ITGAV: variants seen among roughly 807,000 people sequenced by gnomAD.
The protein encoded by ITGAV is integrin alpha-V.
In ITGAV, 76 loss-of-function variants were observed where a neutral mutation model predicts 143.8. The ratio of observed to expected loss-of-function variants is 0.53; its 90% CI spans 0.44 to 0.64. The LOEUF is 0.64. ITGAV is among the 30% of genes least tolerant of loss of function. ITGAV has a pLI of 0.00. For synonymous variants in ITGAV, 453 were observed against 446.7 expected, an observed-to-expected ratio of 1.01 and a Z score of -0.18; for missense variants, 1,193 against 1,274.7, an observed-to-expected ratio of 0.94 and a Z score of 0.98.
chr2:186,657,017 CACACACAGAA>C (rs1688610083), intron 17 of ITGAV, among the ~76,000 whole-genome samples: 1 of 96,024 alleles, frequency 1.0e-5, no homozygotes, highest in African/African-American at 2.9e-5. Flanking sequence ...CACACACACA[CACACACAGAA>C]GCCACTAGAA....
chr2:186,631,739 T>A (rs1415645242), intron 5 of ITGAV, among the ~76,000 whole-genome samples: 10 of 152,194 alleles, frequency 6.6e-5, no homozygotes, highest in Non-Finnish European at 1.5e-4. Context: ...TCTTATTTTT[T>A]AAAAATTTGT....
At chr2:186,616,805 GATTT>G (rs1454385157) in intron 2 of ITGAV, among the ~76,000 whole-genome samples, 1 of 151,870 alleles carries the variant, frequency 6.6e-6, no homozygotes, top group Non-Finnish European at 1.5e-5. Context: ...CATGATTTAT[GATTT>G]ATTTAAATAA....
At chr2:186,676,044 A>T (rs1689200177) in intron 28 of ITGAV, 117 bp downstream of exon 28, 1 of 642,132 alleles carries the variant, frequency 1.6e-6, no homozygotes, top group African/African-American at 1.8e-5. Context: ...AAACTAATGA[A>T]GTTATATGAT....
At chr2:186,644,668 C>T (rs1688203002) in intron 12 of ITGAV, among the ~76,000 whole-genome samples, 1 of 152,064 alleles carries the variant, frequency 6.6e-6, no homozygotes, top group Non-Finnish European at 1.5e-5. Context: ...AATACTTTTA[C>T]ATAAGTTAGG....
At chr2:186,645,779 A>G (rs1688239032) in intron 12 of ITGAV, among the ~76,000 whole-genome samples, 1 of 152,024 alleles carries the variant, frequency 6.6e-6, no homozygotes, top group South Asian at 2.1e-4. Flanking sequence ...CATCCTGGCT[A>G]ACACCGTGAA....
intron 1 of ITGAV, 30 bp downstream of exon 1, chr2:186,590,553 G>T (rs756563679): frequency 7.6e-6 from 12 of 1,586,124 alleles, no homozygotes; most frequent in Admixed American, 1.7e-5. Flanking sequence ...ACTGGAGCCG[G>T]CCCCCTCCCC....
chr2:186,642,927 A>G (rs975283955), intron 12 of ITGAV, among the ~76,000 whole-genome samples: 2 of 152,224 alleles, frequency 1.3e-5, no homozygotes, highest in African/African-American at 2.4e-5. Flanking sequence ...AGAACTTAGC[A>G]TAAATCAAAT....
intron 1 of ITGAV, among the ~76,000 whole-genome samples, chr2:186,598,305 A>G (rs1355566622): frequency 1.3e-5 from 2 of 148,152 alleles, no homozygotes; most frequent in Non-Finnish European, 3.0e-5. Flanking sequence ...ACACACACAC[A>G]CACACACACA....
At chr2:186,669,333 A>G (rs552928020) in intron 25 of ITGAV, among the ~76,000 whole-genome samples, 1 of 152,244 alleles carries the variant, frequency 6.6e-6, no homozygotes, top group Non-Finnish European at 1.5e-5. Flanking sequence ...ATAGATTTGC[A>G]CTAGAAACTA....
At chr2:186,598,290 T>G (rs1403163771) in intron 1 of ITGAV, among the ~76,000 whole-genome samples, 1 of 56,698 alleles carries the variant, frequency 1.8e-5, no homozygotes, top group Admixed American at 2.2e-4. Flanking sequence ...CATATTATAA[T>G]TTATACACAC....
intron 1 of ITGAV, among the ~76,000 whole-genome samples, chr2:186,591,533 A>G (rs1686616090): frequency 6.6e-6 from 1 of 152,002 alleles, no homozygotes; most frequent in Non-Finnish European, 1.5e-5. Flanking sequence ...TTGTTTCCAT[A>G]TTTTCTGTAT....
intron 13 of ITGAV, among the ~76,000 whole-genome samples, chr2:186,648,963 T>TAC (rs1688342504): frequency 6.8e-6 from 1 of 146,968 alleles, no homozygotes; most frequent in African/African-American, 2.5e-5. Flanking sequence ...TGTATATATA[T>TAC]ATACATTTGT....
intron 2 of ITGAV, among the ~76,000 whole-genome samples, chr2:186,602,460 G>A (rs116731410): frequency 1.8e-3 from 268 of 152,264 alleles, no homozygotes; most frequent in African/African-American, 5.8e-3. Flanking sequence ...TGAGAATAGG[G>A]AGCTCATAGG....
chr2:186,629,015 A>G (rs1012847356), intron 4 of ITGAV, among the ~76,000 whole-genome samples: 6 of 152,104 alleles, frequency 3.9e-5, no homozygotes, highest in African/African-American at 1.4e-4. Context: ...GGATTGGTAT[A>G]AAGACTTAAA....
intron 4 of ITGAV, among the ~76,000 whole-genome samples, chr2:186,627,633 C>T (rs1687708749): frequency 6.6e-6 from 1 of 152,084 alleles, no homozygotes; most frequent in African/African-American, 2.4e-5. Flanking sequence ...TTGTGGGCCT[C>T]TTTTTGTGAA....
chr2:186,644,772 C>T (rs1033385468), intron 12 of ITGAV, among the ~76,000 whole-genome samples: 2 of 151,630 alleles, frequency 1.3e-5, no homozygotes, highest in African/African-American at 4.9e-5. Flanking sequence ...TCAGAGTCTA[C>T]TCATGTCTTT....
intron 26 of ITGAV, among the ~76,000 whole-genome samples, chr2:186,673,138 GCTATCCAC>G (rs1450161173): frequency 6.6e-6 from 1 of 152,102 alleles, no homozygotes; most frequent in Non-Finnish European, 1.5e-5. Context: ...TTTGTGTGTG[GCTATCCAC>G]CTGTCTGAGC....
intron 13 of ITGAV, among the ~76,000 whole-genome samples, chr2:186,648,895 AATAATC>A (rs1688338104): frequency 2.0e-5 from 3 of 149,636 alleles, no homozygotes; most frequent in Admixed American, 6.8e-5. Context: ...TATTAGTAAA[AATAATC>A]ATTTTCATTT....
At chr2:186,596,274 C>G (rs1686746410) in intron 1 of ITGAV, among the ~76,000 whole-genome samples, 1 of 152,142 alleles carries the variant, frequency 6.6e-6, no homozygotes, top group African/African-American at 2.4e-5. Flanking sequence ...AATTTTAATT[C>G]CAAACTGTTT....
Sources: allele counts gnomAD v4.1 joint callset (sites outside exome capture counted in the v4.1 genomes callset), GRCh38; gene constraint gnomAD v4.1.1; transcripts MANE v1.5; gene names NCBI Gene and HGNC (gene_info 2026-07-23, HGNC 2026-07-21).